ZFP3: variants seen among roughly 807,000 people sequenced by gnomAD.
The protein encoded by ZFP3 is zinc finger protein 3 homolog.
In ZFP3, 18 loss-of-function variants were observed where a neutral mutation model predicts 36.7. The observed-to-expected ratio is 0.49, with a 90% confidence interval of 0.34 to 0.73. ZFP3 has a LOEUF of 0.73. Ranked by LOEUF, ZFP3 falls within the 30% of genes least tolerant of loss-of-function variation. ZFP3 has a pLI of 0.01. For missense variants in ZFP3, 495 were observed against 599.0 expected (o/e 0.83, Z 1.81); for synonymous variants, 218 against 199.0 (o/e 1.10, Z -0.81).
In ZFP3 at chr17:5,079,157, C is replaced by T. The variant is rs536973469; in HGVS notation, c.-9+582C>T. On this transcript the variant is annotated intron_variant, in intron 1 of 1. Transcript: ENST00000318833. ...TATTTTTACAAACAGTTATCGACAC[C>T]AGCTATGTGTCAGACACTATCCTAG... Among the ~76,000 whole-genome samples, 4 of 152,244 alleles carry T rather than the reference C, an allele frequency of 2.6e-5. No individual in the cohort carries two copies. The East Asian group carries it at 7.7e-4, about 29-fold the overall frequency.
At chr17:5,091,279 G>T (rs2072148222) in intron 1 of ZFP3, among the ~76,000 whole-genome samples, 1 of 151,612 alleles carries the variant, frequency 6.6e-6, no homozygotes, top group Non-Finnish European at 1.5e-5. Context: ...AGAGGGTCTC[G>T]CCCTGTCACC....
chr17:5,092,850 A>G lies in ZFP3; in HGVS notation c.1346A>G (p.Tyr449Cys), dbSNP rs765352936. 2.5e-6 allele frequency: 4 copies of G among 1,614,214 alleles called. No individual in the cohort carries two copies. The South Asian group carries it at 3.3e-5, about 13-fold the overall frequency. The change falls in exon 2 of 2, where the codon TAT becomes TGT. Residue 449 changes from tyrosine to cysteine, a missense_variant. Tyr to Cys is a radical substitution (Grantham distance 194). Coordinates refer to ENST00000318833, the MANE Select transcript of ZFP3 (RefSeq NM_153018.3). The surrounding 1 kb of genome is among the most constrained non-coding windows in gnomAD (Gnocchi z 5.0). ...AAAATTCATATTGGAGAGAAACCTT[A>G]TGAATGTAGCGAGTGTGAGAAAACA... is the stretch of plus-strand genomic sequence containing the variant. ...HQKIHIGEKP[Y>C]ECSECEKTFS...
chr17:5,087,081 T>TC (rs2072125657), intron 1 of ZFP3, among the ~76,000 whole-genome samples: 1 of 146,610 alleles, frequency 6.8e-6, no homozygotes, highest in Non-Finnish European at 1.5e-5. Flanking sequence ...CATTTGATTT[T>TC]TTTTTTTTTT....
chr17:5,086,224 C>G (rs2072120153), intron 1 of ZFP3, among the ~76,000 whole-genome samples: 1 of 152,138 alleles, frequency 6.6e-6, no homozygotes, highest in South Asian at 2.1e-4. Context: ...AGTAGGAGAT[C>G]AGGTTCCTTC....
rs1488673951 is a variant in ZFP3, at chr17:5,093,560, T to G, written c.*547T>G. ...TAAGAATGAGAGTTGACTCATTGAC[T>G]GTTACCCCCTGAAATATTAGAAAGT... On this transcript the variant is annotated 3_prime_UTR_variant, in exon 2 of 2. Coordinates refer to ENST00000318833, the MANE Select transcript of ZFP3 (RefSeq NM_153018.3). The G allele has an allele frequency of 1.2e-5, 2 of 167,168 alleles. No individual in the cohort carries two copies. Among genetic ancestry groups the G allele is most frequent in the Non-Finnish European group, 2.9e-5 (2 of 68,234 alleles). The allele number at this position is 167,168 out of a possible 1,614,324, so 10.4% of individuals were successfully genotyped here. A position where few individuals can be genotyped will look rare whatever the true frequency, so the allele number is the denominator to read the frequency against.
chr17:5,086,347 G>T (rs903267931), intron 1 of ZFP3, among the ~76,000 whole-genome samples: 3 of 152,118 alleles, frequency 2.0e-5, no homozygotes, highest in East Asian at 1.9e-4. Context: ...GCTGGGCAGA[G>T]AGAAGGGGAG....
intron 1 of ZFP3, among the ~76,000 whole-genome samples, chr17:5,083,245 G>A (rs1158693856): frequency 6.6e-6 from 1 of 152,164 alleles, no homozygotes. Context: ...CACATTAAGA[G>A]TAGGATAACT....
chr17:5,094,609 C>T lies in ZFP3; in HGVS notation c.*1596C>T, dbSNP rs2072170314. ...AACTAAGTGATCTCAAAAGTTTCAACCAGCCCGATAATTCCTTAATTCTTT... is the reference window on the plus strand; with the variant it reads ...AACTAAGTGATCTCAAAAGTTTCAATCAGCCCGATAATTCCTTAATTCTTT... On this transcript the variant is annotated 3_prime_UTR_variant, in exon 2 of 2. Transcript: ENST00000318833. 1.2e-5 allele frequency: 2 copies of T among 167,084 alleles called. No individual in the cohort carries two copies. The highest frequency in any genetic ancestry group is 4.8e-5 in the African/African-American group (2 of 41,450). 10.4% of individuals were successfully genotyped at this position (167,084 alleles called of 1,614,324 possible). A position where few individuals can be genotyped will look rare whatever the true frequency, so the allele number is the denominator to read the frequency against.
In ZFP3 at chr17:5,092,895, T is replaced by G; in HGVS notation, c.1391T>G (p.Leu464Arg). 6.2e-7 allele frequency: 1 copy of G among 1,614,158 alleles called. No individual in the cohort carries two copies. Among genetic ancestry groups the G allele is most frequent in the Non-Finnish European group, 8.5e-7 (1 of 1,180,034 alleles). ...CEKTFSQHSQ[L>R]IIHQRIHTGE... ...AAAACATTTAGCCAGCATTCCCAACTTATCATACATCAGAGAATTCACACT... is the reference window on the plus strand; with the variant it reads ...AAAACATTTAGCCAGCATTCCCAACGTATCATACATCAGAGAATTCACACT... The change falls in exon 2 of 2, where the codon CTT becomes CGT. Residue 464 changes from leucine to arginine, a missense_variant. By Grantham distance (102) the Leu-to-Arg change is moderately radical. Coordinates refer to ENST00000318833, the MANE Select transcript of ZFP3 (RefSeq NM_153018.3). This position sits in a 1 kb window ranked among gnomAD's most constrained non-coding sequence, Gnocchi z 5.0.
At chr17:5,089,421 T>C (rs544319723) in intron 1 of ZFP3, among the ~76,000 whole-genome samples, 1 of 152,306 alleles carries the variant, frequency 6.6e-6, no homozygotes, top group African/African-American at 2.4e-5. Flanking sequence ...AGTAGTCCCA[T>C]GTGGTTTCAT....
At chr17:5,088,878 A>T (rs77455068) in intron 1 of ZFP3, among the ~76,000 whole-genome samples, 23,476 of 152,106 alleles carry the variant, frequency 0.15, 2,525 homozygotes, top group South Asian at 0.49. Context: ...TGTCTAAAGG[A>T]TGAAGTTCCA....
rs1392590983 is a variant in ZFP3 at position 5,095,555 on chromosome 17, A to G, written c.*2542A>G. On this transcript the variant is annotated 3_prime_UTR_variant, in exon 2 of 2. Transcript: ENST00000318833. ...CCTTCAAGCTTCTCCTAAACAATCTATGCACACAAACACCCCTGAGCAATA... is the reference window on the plus strand; with the variant it reads ...CCTTCAAGCTTCTCCTAAACAATCTGTGCACACAAACACCCCTGAGCAATA... 2 of 166,872 alleles carry G rather than the reference A, an allele frequency of 1.2e-5. No individual in the cohort carries two copies. Among genetic ancestry groups the G allele is most frequent in the Non-Finnish European group, 1.5e-5 (1 of 68,092 alleles). 10.3% of individuals were successfully genotyped at this position (166,872 alleles called of 1,614,324 possible). A position where few individuals can be genotyped will look rare whatever the true frequency, so the allele number is the denominator to read the frequency against.
At chr17:5,085,059 A>T (rs950655823) in intron 1 of ZFP3, among the ~76,000 whole-genome samples, 1 of 152,060 alleles carries the variant, frequency 6.6e-6, no homozygotes, top group Admixed American at 6.6e-5. Context: ...GTTTTTTTTG[A>T]GATGGAATCT....
chr17:5,083,430 G>A (rs112429317), intron 1 of ZFP3, among the ~76,000 whole-genome samples: 22,080 of 151,806 alleles, frequency 0.15, 1,902 homozygotes, highest in African/African-American at 0.24. Flanking sequence ...GGTGGTGCAA[G>A]CCTGTAATCC....
At chr17:5,090,120 C>T (rs2072142405) in intron 1 of ZFP3, among the ~76,000 whole-genome samples, 1 of 152,090 alleles carries the variant, frequency 6.6e-6, no homozygotes, top group Non-Finnish European at 1.5e-5. Context: ...GGTACAGAGA[C>T]ATGATGAACA....
intron 1 of ZFP3, among the ~76,000 whole-genome samples, chr17:5,088,496 A>G (rs1191324319): frequency 2.0e-5 from 2 of 97,762 alleles, no homozygotes; most frequent in East Asian, 5.8e-4. Flanking sequence ...TTTTTTTTTT[A>G]GTAGAGATGG....
At position 5,093,008 on chromosome 17, in the gene ZFP3, G is replaced by T. The variant is rs566006894; in HGVS notation, c.1504G>T (p.Glu502Ter). 22 of 1,561,084 alleles carry T rather than the reference G, an allele frequency of 1.4e-5. No individual in the cohort carries two copies. The Admixed American group carries it at 3.9e-4, about 28-fold the overall frequency. The change falls in exon 2 of 2, where the codon GAG (glutamate) becomes TAG (stop). Residue 502 changes from glutamate to a stop codon, truncating the protein, a stop_gained. Coordinates refer to ENST00000318833, the MANE Select transcript of ZFP3 (RefSeq NM_153018.3). LOFTEE classifies it high-confidence loss of function. ...CCGACATCAAAGTGTTCACTGTATG[G>T]AGTAATCTGCAAAATAGGAAAGCTT... Reference protein sequence around the residue: ...LLRHQSVHCME With the variant: ...LLRHQSVHCM
intron 1 of ZFP3, among the ~76,000 whole-genome samples, chr17:5,088,425 T>C (rs963430203): frequency 6.6e-6 from 1 of 152,066 alleles, no homozygotes; most frequent in East Asian, 1.9e-4. Flanking sequence ...TTTGCCTTGA[T>C]GACTGCAGCA....
chr17:5,080,956 A>G (rs553245000), intron 1 of ZFP3, among the ~76,000 whole-genome samples: 1 of 152,126 alleles, frequency 6.6e-6, no homozygotes, highest in Non-Finnish European at 1.5e-5. Flanking sequence ...AATGTCTGTA[A>G]GTTGCTTAGC....
Sources: gnomAD v4.1 joint callset for allele counts (sites outside exome capture counted in the v4.1 genomes callset) on GRCh38, gnomAD v4.1.1 for gene constraint, Gnocchi (gnomAD v3.1) non-coding constraint, MANE v1.5 for transcripts, NCBI Gene and HGNC (gene_info 2026-07-23, HGNC 2026-07-21) for gene names.